Variants in RPL39 observed in about 807,000 individuals in gnomAD.
The protein encoded by RPL39 is ribosomal protein L39, also known as large ribosomal subunit protein eL39.
For synonymous variants in RPL39, 8 were observed against 11.4 expected (o/e 0.70, Z 0.60); for missense variants, 6 against 37.2 (o/e 0.16, Z 2.18).
At chrX:119,787,252 G>C (rs45555441) in intron 2 of RPL39, 27,773 of 298,020 alleles carry the variant, frequency 0.093, 1,139 homozygotes, top group Admixed American at 0.15. Context: ...CTCCCAAAGA[G>C]TTGAGATTAC....
chrX:119,789,729 C>T (rs1031529552), intron 2 of RPL39, among the ~76,000 whole-genome samples, 179 bp downstream of exon 2: 12 of 112,442 alleles, frequency 1.1e-4, no homozygotes, highest in Admixed American at 5.7e-4. Context: ...CAGATGTGGG[C>T]TGGATGCAGT....
Position 119,791,564 on chromosome X carries a change from A to C in RPL39, c.3+10T>G. The C allele has an allele frequency of 8.5e-7, 1 of 1,172,488 alleles. No homozygotes were observed. On this transcript the variant is annotated intron_variant, in intron 1 of 2. Transcript: ENST00000361575. Reference sequence around the variant, plus strand: ...GCCACCCCGGGGCCGATGGGGGCCGATGGACTTACCATGGCGAGCAGCGGA... The same window carrying C: ...GCCACCCCGGGGCCGATGGGGGCCGCTGGACTTACCATGGCGAGCAGCGGA...
At chrX:119,789,578 A>G (rs901653493) in intron 2 of RPL39, among the ~76,000 whole-genome samples, 10 of 111,816 alleles carry the variant, frequency 8.9e-5, no homozygotes, top group Non-Finnish European at 1.5e-4. Flanking sequence ...AAAAACAAAA[A>G]CAAAAACAAA....
At chrX:119,788,789 C>T (rs1162076923) in intron 2 of RPL39, among the ~76,000 whole-genome samples, 3 of 111,596 alleles carry the variant, frequency 2.7e-5, no homozygotes, top group African/African-American at 9.8e-5. Context: ...GACCAAAGAG[C>T]GATGGGCTGA....
At chrX:119,788,935 C>T (rs73214968) in intron 2 of RPL39, among the ~76,000 whole-genome samples, 37,455 of 110,884 alleles carry the variant, frequency 0.34, 5,418 homozygotes, top group Non-Finnish European at 0.46. Flanking sequence ...GACAGTTTTC[C>T]AATCTTTTCT....
Position 119,791,578 on chromosome X carries a change from G to T in RPL39, c.-2C>A. ...GATGGGGGCCGATGGACTTACCATG[G>T]CGAGCAGCGGAGTCAAGAACACACC... On this transcript the variant is annotated 5_prime_UTR_variant, in exon 1 of 3. Coordinates refer to ENST00000361575, the MANE Select transcript of RPL39 (RefSeq NM_001000.4). 1 of 1,174,678 alleles carries T rather than the reference G, an allele frequency of 8.5e-7. No homozygotes were observed. The highest frequency in any genetic ancestry group is 1.1e-6 in the Non-Finnish European group (1 of 876,043).
At chrX:119,790,743 A>G (rs1299462013) in intron 1 of RPL39, 1 of 111,702 alleles carries the variant, frequency 9.0e-6, no homozygotes, top group Non-Finnish European at 1.9e-5. Flanking sequence ...CTACAGAATA[A>G]TCTTGCAAAA....
At position 119,789,870 on chromosome X, in the gene RPL39, C is replaced by A. The variant is rs2055689865; in HGVS notation, c.107+38G>T. ...CCCTGGCCAGACACAGTGGCTCTTA[C>A]ATTTAGCAAAATACAAGCAGTATGA... is the stretch of plus-strand genomic sequence containing the variant. On this transcript the variant is annotated intron_variant, in intron 2 of 2. Transcript: ENST00000361575. The A allele has an allele frequency of 3.7e-6, 3 of 814,574 alleles. No individual in the cohort carries two copies. The East Asian group carries it at 9.4e-5, about 26-fold the overall frequency. 67.1% of individuals were successfully genotyped at this position (814,574 alleles called of 1,213,427 possible).
In RPL39 at chrX:119,790,016, G is replaced by A. The variant is rs2055690480; in HGVS notation, c.4-5C>T. Reference sequence around the variant, plus strand: ...CCTGAAAGTCTTGTGAGAAGACTGGGAAGAAAATGCAATCAATTTAGACAA... The same window carrying A: ...CCTGAAAGTCTTGTGAGAAGACTGGAAAGAAAATGCAATCAATTTAGACAA... On this transcript the variant is annotated splice_polypyrimidine_tract_variant and splice_region_variant and intron_variant, in intron 1 of 2. Coordinates refer to ENST00000361575, the MANE Select transcript of RPL39 (RefSeq NM_001000.4). 5 of 1,069,621 alleles carry A rather than the reference G, an allele frequency of 4.7e-6. No individual in the cohort carries two copies. In the African/African-American group the frequency reaches 5.4e-5, roughly 12 times the overall value. The allele number at this position is 1,069,621 out of a possible 1,213,427, so 88.1% of individuals were successfully genotyped here.
rs2055698540 is a variant in RPL39 at position 119,791,191 on chromosome X, TCCACGTTGCGCATG to T, written c.3+369_3+382del. 4 of 191,572 alleles carry T rather than the reference TCCACGTTGCGCATG, an allele frequency of 2.1e-5. No homozygotes were observed. The South Asian group carries it at 1.1e-3, about 54-fold the overall frequency. 15.8% of individuals were successfully genotyped at this position (191,572 alleles called of 1,213,427 possible). ...GCCCACAATACCCTCCTGATTACCC[TCCACGTTGCGCATG>T]CCACGGGCAGCCCACAGTCAGGCCA... is the stretch of plus-strand genomic sequence containing the variant. On this transcript the variant is annotated intron_variant, in intron 1 of 2. Coordinates refer to ENST00000361575, the MANE Select transcript of RPL39 (RefSeq NM_001000.4).
At chrX:119,789,202 G>T (rs2055685413) in intron 2 of RPL39, among the ~76,000 whole-genome samples, 1 of 111,396 alleles carries the variant, frequency 9.0e-6, no homozygotes, top group Non-Finnish European at 1.9e-5. Flanking sequence ...TAGGTAGGGA[G>T]AGGTTGCAGG....
At chrX:119,788,389 A>G (rs2429001) in intron 2 of RPL39, among the ~76,000 whole-genome samples, 50,050 of 109,549 alleles carry the variant, frequency 0.46, 8,720 homozygotes, top group African/African-American at 0.51. Context: ...AAAATTAGCC[A>G]GGTGTGGTGG....
At position 119,786,676 on chromosome X, in the gene RPL39, G is replaced by C; in HGVS notation, c.*8C>G. 8.5e-7 allele frequency: 1 copy of C among 1,170,978 alleles called. No individual in the cohort carries two copies. The stretch of plus-strand genomic sequence containing the variant: ...CATAAATATGTGTGCCATCTCATGT[G>C]CAATTCCTTATAGACCCAGCTTGGT... On this transcript the variant is annotated 3_prime_UTR_variant, in exon 3 of 3. Transcript: ENST00000361575.
At chrX:119,788,114 G>A (rs1193681701) in intron 2 of RPL39, among the ~76,000 whole-genome samples, 1 of 111,711 alleles carries the variant, frequency 9.0e-6, no homozygotes, top group African/African-American at 3.3e-5. Flanking sequence ...ACATTACAAT[G>A]GGTGGCAATT....
At chrX:119,790,051 C>T (rs1415534778) in intron 1 of RPL39, 40 bp from the exon 2 acceptor site, 2 of 805,888 alleles carry the variant, frequency 2.5e-6, no homozygotes, top group Admixed American at 2.3e-5. Context: ...ATATTAGAGC[C>T]TGCCCGAATG....
In RPL39 at chrX:119,790,013, TG is replaced by T; in HGVS notation, c.4-3del. ...AATCCTGAAAGTCTTGTGAGAAGACTGGGAAGAAAATGCAATCAATTTAGAC... is the reference window on the plus strand; with the variant it reads ...AATCCTGAAAGTCTTGTGAGAAGACTGGAAGAAAATGCAATCAATTTAGAC... On this transcript the variant is annotated splice_region_variant and splice_polypyrimidine_tract_variant and intron_variant, in intron 1 of 2. Coordinates refer to ENST00000361575, the MANE Select transcript of RPL39 (RefSeq NM_001000.4). 1 of 1,112,005 alleles carries T rather than the reference TG, an allele frequency of 9.0e-7. No individual in the cohort carries two copies. The highest frequency in any genetic ancestry group is 1.2e-6 in the Non-Finnish European group (1 of 809,673). The allele number at this position is 1,112,005 out of a possible 1,213,427, so 91.6% of individuals were successfully genotyped here. A position where few individuals can be genotyped will look rare whatever the true frequency, so the allele number is the denominator to read the frequency against.
chrX:119,789,142 G>T (rs1174634668), intron 2 of RPL39, among the ~76,000 whole-genome samples: 1 of 111,311 alleles, frequency 9.0e-6, no homozygotes, highest in Admixed American at 9.6e-5. Flanking sequence ...GCGTGTGCCT[G>T]TAGTCCCAGC....
intron 2 of RPL39, among the ~76,000 whole-genome samples, 197 bp from the exon 3 acceptor site, chrX:119,786,929 C>T (rs1376254043): frequency 8.9e-6 from 1 of 112,205 alleles, no homozygotes; most frequent in Non-Finnish European, 1.9e-5. Context: ...GTTTTATCCT[C>T]TCAAAATAAT....
At chrX:119,789,301 A>T (rs1250512011) in intron 2 of RPL39, among the ~76,000 whole-genome samples, 1 of 112,351 alleles carries the variant, frequency 8.9e-6, no homozygotes, top group Non-Finnish European at 1.9e-5. Context: ...TTATGCCTGT[A>T]ATCCCAGCAC....
Sources: gnomAD v4.1 joint callset for allele counts (sites outside exome capture counted in the v4.1 genomes callset) on GRCh38, gnomAD v4.1.1 for gene constraint, MANE v1.5 for transcripts, NCBI Gene and HGNC (gene_info 2026-07-23, HGNC 2026-07-21) for gene names.